Variants in THUMPD3 observed in about 807,000 individuals in gnomAD.
THUMPD3 encodes the protein tRNA (guanine(6)-N(2))-methyltransferase THUMP3.
A neutral mutation model predicts 54.5 loss-of-function variants in THUMPD3; 44 were observed. The observed-to-expected ratio is 0.81, with a 90% CI of 0.63 to 1.04. The LOEUF (loss-of-function observed/expected upper bound fraction) is 1.04. Ranked by LOEUF, THUMPD3 falls within the 50% of genes least tolerant of loss-of-function variation. THUMPD3 has a pLI of 0.00. For synonymous variants in THUMPD3, 196 were observed against 201.4 expected (o/e 0.97, Z 0.23); for missense variants, 604 against 601.3 (o/e 1.00, Z -0.05).
In THUMPD3 at chr3:9,384,873, C is replaced by T. The variant is rs139491942; in HGVS notation, c.*185C>T. The stretch of plus-strand genomic sequence containing the variant: ...TTTAAAAGTTTTATGAGACCAGGCA[C>T]AGTGGCTCACGACTGTAATTCCAGC... On this transcript the variant is annotated 3_prime_UTR_variant, in exon 10 of 10. Transcript: ENST00000452837. 1.6e-3 allele frequency: 1,004 copies of T among 645,854 alleles called. 20 individuals are homozygous for T. Among genetic ancestry groups the T allele is most frequent in the East Asian group, 0.015 (500 of 34,412 alleles). The allele number at this position is 645,854 out of a possible 1,614,324, so 40.0% of individuals were successfully genotyped here.
intron 5 of THUMPD3, among the ~76,000 whole-genome samples, chr3:9,375,391 T>G (rs528942410): frequency 6.6e-6 from 1 of 152,240 alleles, no homozygotes; most frequent in Non-Finnish European, 1.5e-5. Flanking sequence ...GGAATCATCC[T>G]AGAATTTTTT....
intron 8 of THUMPD3, 138 bp downstream of exon 8, chr3:9,383,447 C>A: frequency 1.7e-6 from 1 of 605,750 alleles, no homozygotes; most frequent in South Asian, 1.9e-5. Flanking sequence ...TGGATTCACC[C>A]ATTATGTTTC....
chr3:9,367,837 G>A (rs1485051352), intron 3 of THUMPD3, among the ~76,000 whole-genome samples: 4 of 152,198 alleles, frequency 2.6e-5, no homozygotes, highest in South Asian at 2.1e-4. Context: ...AGGCCGAGGC[G>A]GGTGGATCAT....
chr3:9,371,545 A>G lies in THUMPD3; in HGVS notation c.807+9A>G, dbSNP rs2032041089. 3.8e-6 allele frequency: 6 copies of G among 1,593,346 alleles called. No individual in the cohort carries two copies. The highest frequency in any genetic ancestry group is 5.1e-6 in the Non-Finnish European group (6 of 1,166,678). On this transcript the variant is annotated intron_variant, in intron 4 of 9. Transcript: ENST00000452837. ...CCAACTTTGATGTGGAGGTAGGTAT[A>G]GGCTCTGACTGTGGTGATTGAAGAA...
rs989554668 is a variant in THUMPD3, at chr3:9,365,001, C to A, written c.-53-15C>A. On this transcript the variant is annotated splice_polypyrimidine_tract_variant and intron_variant, in intron 1 of 9. Transcript: ENST00000452837. Reference sequence around the variant, plus strand: ...AGATGATAATATTTGGGCTTTATTTCTTTTTCTTTTAAAGGACAGTACTGC... The same window carrying A: ...AGATGATAATATTTGGGCTTTATTTATTTTTCTTTTAAAGGACAGTACTGC... 18 of 1,536,402 alleles carry A rather than the reference C, an allele frequency of 1.2e-5. No homozygotes were observed. Among genetic ancestry groups the A allele is most frequent in the Non-Finnish European group, 1.2e-5 (14 of 1,142,484 alleles).
At chr3:9,373,274 T>C (rs956531020) in intron 4 of THUMPD3, among the ~76,000 whole-genome samples, 1 of 151,882 alleles carries the variant, frequency 6.6e-6, no homozygotes, top group Non-Finnish European at 1.5e-5. Context: ...TGGAGGATTG[T>C]TTCAGGCCAG....
intron 7 of THUMPD3, among the ~76,000 whole-genome samples, chr3:9,381,467 A>G (rs1448465516): frequency 1.3e-5 from 2 of 152,176 alleles, no homozygotes; most frequent in Non-Finnish European, 2.9e-5. Context: ...ATTTTCCAGG[A>G]AACTCCAGGA....
chr3:9,380,440 T>G (rs1368339519), intron 6 of THUMPD3, 63 bp from the exon 7 acceptor site: 5 of 1,130,794 alleles, frequency 4.4e-6, no homozygotes, highest in Non-Finnish European at 6.6e-6. Flanking sequence ...CTTTGTTTGT[T>G]GACAATTTAA....
chr3:9,370,760 T>C (rs986357214), intron 3 of THUMPD3, among the ~76,000 whole-genome samples: 1 of 152,198 alleles, frequency 6.6e-6, no homozygotes, highest in African/African-American at 2.4e-5. Context: ...CTTTTTTTCT[T>C]GTCATTATTT....
intron 6 of THUMPD3, among the ~76,000 whole-genome samples, chr3:9,379,304 C>A (rs770130796): frequency 1.3e-5 from 2 of 151,792 alleles, no homozygotes; most frequent in Non-Finnish European, 2.9e-5. Flanking sequence ...ACCCAAAATT[C>A]TGGGATACTT....
rs2032014289 is a variant in THUMPD3 at position 9,371,259 on chromosome 3, G to A, written c.530G>A (p.Ser177Asn). 6.2e-7 allele frequency: 1 copy of A among 1,613,258 alleles called. No individual in the cohort carries two copies. The highest frequency in any genetic ancestry group is 8.5e-7 in the Non-Finnish European group (1 of 1,179,840). ...DQRNVKKEFT[S>N]HALDSHILDY... ...AGAAATGTTAAAAAAGAGTTCACTA[G>A]CCATGCTTTAGATTCTCATATCTTA... The change falls in exon 4 of 10, where the codon AGC becomes AAC. Residue 177 changes from serine (S) to asparagine (N), a missense_variant. Coordinates refer to ENST00000452837, the MANE Select transcript of THUMPD3 (RefSeq NM_001114092.2).
chr3:9,384,557 G>T lies in THUMPD3; in HGVS notation c.1393G>T (p.Val465Leu), dbSNP rs752445544. The T allele has an allele frequency of 8.1e-6, 13 of 1,614,216 alleles. No individual in the cohort carries two copies. The highest frequency in any genetic ancestry group is 3.3e-5 in the Admixed American group (2 of 60,030). Residue 465 changes from valine (V) to leucine (L), a missense_variant, in exon 10 of 10, where the codon GTG becomes TTG. Val to Leu is a conservative substitution (Grantham distance 32). Coordinates refer to ENST00000452837, the MANE Select transcript of THUMPD3 (RefSeq NM_001114092.2). Reference protein sequence around the residue: ...LSGMRHVWRKVDTVWVNVGGL... With the variant: ...LSGMRHVWRKLDTVWVNVGGL... ...TGGAATGCGACACGTATGGCGAAAG[G>T]TGGATACAGTCTGGGTGAACGTTGG...
chr3:9,381,904 CA>C lies in THUMPD3; in HGVS notation c.1124+1288del, dbSNP rs1575082026. Among the ~76,000 whole-genome samples the C allele has an allele frequency of 2.7e-5, 4 of 150,292 alleles. No homozygotes were observed. The East Asian group carries it at 7.8e-4, about 29-fold the overall frequency. ...ACGCCATTCTCCTGCCTCAGCCTCC[CA>C]AGTAGCTGGGACTACAGGCACCCGC... On this transcript the variant is annotated intron_variant, in intron 7 of 9. Transcript: ENST00000452837.
intron 3 of THUMPD3, among the ~76,000 whole-genome samples, chr3:9,368,990 T>C (rs140837077): frequency 1.3e-5 from 2 of 152,138 alleles, no homozygotes; most frequent in African/African-American, 4.8e-5. Context: ...GGACCAGAAA[T>C]GTTTTGGATT....
rs1273643662 is a variant in THUMPD3, at chr3:9,384,217, G to A, written c.1241G>A (p.Gly414Glu). The A allele has an allele frequency of 2.5e-6, 4 of 1,613,920 alleles. No homozygotes were observed. Among genetic ancestry groups the A allele is most frequent in the Admixed American group, 1.7e-5 (1 of 59,940 alleles). The stretch of plus-strand genomic sequence containing the variant: ...CATGAGACCTTCTATTATAGGATGG[G>A]ATCCAAGAAGAGAAACTGGAACCTT... ...VTDLPFGKRM[G>E]SKKRNWNLYP... Residue 414 changes from glycine to glutamate, a missense_variant, in exon 9 of 10, where the codon GGA becomes GAA. Coordinates refer to ENST00000452837, the MANE Select transcript of THUMPD3 (RefSeq NM_001114092.2).
chr3:9,383,048 G>A lies in THUMPD3; in HGVS notation c.1125-151G>A, dbSNP rs1001762311. ...AGCCTGACCTATTTTTTACCTTTGT[G>A]CCATTTCTTAAATTTTGAATAGGTT... On this transcript the variant is annotated intron_variant, in intron 7 of 9. Transcript: ENST00000452837. 1.6e-4 allele frequency: 86 copies of A among 535,544 alleles called. No homozygotes were observed. In the Middle Eastern group the frequency reaches 5.1e-3, roughly 32 times the overall value. 33.2% of individuals were successfully genotyped at this position (535,544 alleles called of 1,614,324 possible).
chr3:9,366,748 A>G (rs1450851017), intron 2 of THUMPD3, among the ~76,000 whole-genome samples, 160 bp from the exon 3 acceptor site: 1 of 152,226 alleles, frequency 6.6e-6, no homozygotes, highest in Admixed American at 6.5e-5. Flanking sequence ...TTAGTAACCA[A>G]AGAGATGAGA....
chr3:9,373,839 G>A (rs1318287106), intron 4 of THUMPD3, among the ~76,000 whole-genome samples: 5 of 152,100 alleles, frequency 3.3e-5, no homozygotes, highest in East Asian at 1.9e-4. Context: ...TCAGCCTCCC[G>A]AGTAGCTGGG....
In THUMPD3 at chr3:9,374,547, T is replaced by C. The variant is rs144247944; in HGVS notation, c.839T>C (p.Ile280Thr). 1.2e-6 allele frequency: 2 copies of C among 1,613,920 alleles called. No individual in the cohort carries two copies. The highest frequency in any genetic ancestry group is 2.7e-5 in the African/African-American group (2 of 74,918). Reference sequence around the variant, plus strand: ...TTGAACATCCATGATAATGAAGTCATTGTGGGCATTGCATTGACTGAAGAG... The same window carrying C: ...TTGAACATCCATGATAATGAAGTCACTGTGGGCATTGCATTGACTGAAGAG... ...VLLNIHDNEV[I>T]VGIALTEESL... The change falls in exon 5 of 10, where the codon ATT (isoleucine) becomes ACT (threonine). Residue 280 changes from isoleucine to threonine, a missense_variant. Coordinates refer to ENST00000452837, the MANE Select transcript of THUMPD3 (RefSeq NM_001114092.2).
Sources: allele counts gnomAD v4.1 joint callset (sites outside exome capture counted in the v4.1 genomes callset), GRCh38; gene constraint gnomAD v4.1.1; transcripts MANE v1.5; gene names NCBI Gene and HGNC (gene_info 2026-07-23, HGNC 2026-07-21).